Variants in ROBO2 observed in about 807,000 individuals in gnomAD.
ROBO2 encodes roundabout homolog 2.
Under a neutral mutation model 160.8 loss-of-function variants are expected in ROBO2, and 53 were observed. The observed-to-expected ratio is 0.33, with a 90% CI of 0.26 to 0.41. The LOEUF (loss-of-function observed/expected upper bound fraction) is 0.41, where lower values mean the gene tolerates loss of function less well. Among genes scored for constraint, ROBO2 ranks in the 10% least tolerant of loss-of-function variants. ROBO2 has a pLI of 1.00. For missense variants in ROBO2, 1,577 were observed against 1,722.4 expected (o/e 0.92, Z 1.49); for synonymous variants, 664 against 611.7 (o/e 1.09, Z -1.26).
chr3:76,314,075 G>A (rs928260675), intron 2 of ROBO2, among the ~76,000 whole-genome samples: 3 of 152,114 alleles, frequency 2.0e-5, no homozygotes, highest in African/African-American at 7.2e-5. Flanking sequence ...GCTCATCAAT[G>A]AACATGACTC....
At chr3:77,409,166 A>G (rs2076503488) in intron 2 of ROBO2, among the ~76,000 whole-genome samples, 1 of 150,788 alleles carries the variant, frequency 6.6e-6, no homozygotes, top group African/African-American at 2.4e-5. Context: ...AGAGTAAACC[A>G]GTAAAGATTG....
At chr3:75,938,393 G>A (rs1257074015) in intron 2 of ROBO2, among the ~76,000 whole-genome samples, 1 of 151,962 alleles carries the variant, frequency 6.6e-6, no homozygotes, top group Non-Finnish European at 1.5e-5. Context: ...TGCCTGCTCA[G>A]ATACAAATTG....
intron 2 of ROBO2, among the ~76,000 whole-genome samples, chr3:76,276,120 C>A (rs17203): frequency 2.6e-5 from 4 of 151,938 alleles, no homozygotes; most frequent in South Asian, 2.1e-4. Context: ...CAAGGTCTTC[C>A]TAAAGTACTT....
rs1412207296 is a variant in ROBO2, at chr3:76,789,433, A to G, written c.110-308581A>G. On this transcript the variant is annotated intron_variant, in intron 2 of 26. Coordinates refer to the ROBO2 transcript ENST00000487694. Reference sequence around the variant, plus strand: ...AATGACTGGTGGCTACACACTGTATACAGGGGTAATCAGCACAAGATAAGG... The same window carrying G: ...AATGACTGGTGGCTACACACTGTATGCAGGGGTAATCAGCACAAGATAAGG... 2.0e-5 allele frequency among the ~76,000 whole-genome samples: 3 copies of G among 151,634 alleles called. No individual in the cohort carries two copies. The South Asian group carries it at 6.2e-4, about 32-fold the overall frequency.
chr3:77,498,173 T>C (rs557072219), intron 5 of ROBO2, among the ~76,000 whole-genome samples: 2 of 152,242 alleles, frequency 1.3e-5, no homozygotes, highest in Non-Finnish European at 2.9e-5. Context: ...TACCATTACC[T>C]CCTTTATCTT....
intron 2 of ROBO2, among the ~76,000 whole-genome samples, chr3:77,238,945 A>G (rs1045957326): frequency 6.6e-6 from 1 of 152,126 alleles, no homozygotes; most frequent in South Asian, 2.1e-4. Flanking sequence ...AGGATGCACA[A>G]TCATCCCTTG....
chr3:76,659,937 A>G (rs2091747300), intron 2 of ROBO2, among the ~76,000 whole-genome samples: 1 of 152,058 alleles, frequency 6.6e-6, no homozygotes, highest in South Asian at 2.1e-4. Flanking sequence ...TGCTTTAAAG[A>G]CCCTTTAGAA....
At chr3:76,330,640 T>A (rs1296771857) in intron 2 of ROBO2, among the ~76,000 whole-genome samples, 1 of 152,208 alleles carries the variant, frequency 6.6e-6, no homozygotes, top group African/African-American at 2.4e-5. Flanking sequence ...TTAAGAGCAA[T>A]TTGTGCAAGA....
chr3:75,977,569 AT>A (rs2065164800), intron 2 of ROBO2, among the ~76,000 whole-genome samples: 2 of 151,470 alleles, frequency 1.3e-5, no homozygotes. Context: ...TAGAACCATT[AT>A]TTGGGTTTTC....
chr3:77,518,341 A>G (rs1273291613), intron 5 of ROBO2, among the ~76,000 whole-genome samples: 1 of 151,462 alleles, frequency 6.6e-6, no homozygotes, highest in Non-Finnish European at 1.5e-5. Flanking sequence ...AAGTATTCTG[A>G]TATAAATACA....
intron 2 of ROBO2, among the ~76,000 whole-genome samples, chr3:76,661,285 A>G (rs557994948): frequency 6.6e-6 from 1 of 152,306 alleles, no homozygotes; most frequent in African/African-American, 2.4e-5. Flanking sequence ...TGAACACTCT[A>G]AAGTAGGAAA....
chr3:75,945,711 A>T (rs1948263432), intron 2 of ROBO2, among the ~76,000 whole-genome samples: 1 of 152,032 alleles, frequency 6.6e-6, no homozygotes, highest in Non-Finnish European at 1.5e-5. Context: ...ATTAATTTGA[A>T]AGCATTCTAG....
chr3:76,346,544 C>A (rs1042360651), intron 2 of ROBO2, among the ~76,000 whole-genome samples: 1 of 152,018 alleles, frequency 6.6e-6, no homozygotes, highest in Non-Finnish European at 1.5e-5. Context: ...GGCATGTAGT[C>A]TACAGTTGCA....
intron 23 of ROBO2, among the ~76,000 whole-genome samples, chr3:77,628,696 G>A (rs2095090234): frequency 6.6e-6 from 1 of 152,098 alleles, no homozygotes; most frequent in Non-Finnish European, 1.5e-5. Flanking sequence ...GTAGAGGAAG[G>A]GATGTCGAAA....
chr3:77,138,244 A>G (rs1327644149), intron 2 of ROBO2, among the ~76,000 whole-genome samples: 1 of 152,204 alleles, frequency 6.6e-6, no homozygotes, highest in Non-Finnish European at 1.5e-5. Context: ...ACCTACTACA[A>G]TTATTAAGTC....
At chr3:77,300,879 T>C (rs1201399820) in intron 2 of ROBO2, among the ~76,000 whole-genome samples, 1 of 120,278 alleles carries the variant, frequency 8.3e-6, no homozygotes, top group East Asian at 2.5e-4. Context: ...TTTATTTATT[T>C]ATTTATTTAT....
chr3:76,779,032 A>C (rs2062458433), intron 2 of ROBO2, among the ~76,000 whole-genome samples: 1 of 151,068 alleles, frequency 6.6e-6, no homozygotes, highest in Admixed American at 6.6e-5. Context: ...GGTAATCAAC[A>C]GAACTGTCTG....
chr3:77,360,792 C>T (rs1017548570), intron 2 of ROBO2, among the ~76,000 whole-genome samples: 3 of 152,080 alleles, frequency 2.0e-5, no homozygotes, highest in African/African-American at 2.4e-5. Flanking sequence ...TCCACATTTT[C>T]ACAACTTAAT....
chr3:77,265,428 T>G (rs2059061817), intron 2 of ROBO2, among the ~76,000 whole-genome samples: 1 of 152,160 alleles, frequency 6.6e-6, no homozygotes, highest in Non-Finnish European at 1.5e-5. Context: ...TTATATGCCT[T>G]GATATAATTT....
Sources: allele counts gnomAD v4.1 joint callset (sites outside exome capture counted in the v4.1 genomes callset), GRCh38; gene constraint gnomAD v4.1.1; transcripts MANE v1.5; gene names NCBI Gene and HGNC (gene_info 2026-07-23, HGNC 2026-07-21).